MICAL3: variants seen among roughly 807,000 people sequenced by gnomAD.
MICAL3 encodes microtubule associated monooxygenase, calponin and LIM domain containing 3, also known as [F-actin]-monooxygenase MICAL3.
A neutral mutation model predicts 207.4 loss-of-function variants in MICAL3; 62 were observed. The ratio of observed to expected loss-of-function variants is 0.30; its 90% CI spans 0.24 to 0.37. MICAL3 has a LOEUF of 0.37. Among genes scored for constraint, MICAL3 ranks in the 10% least tolerant of loss-of-function variants. MICAL3 has a pLI of 1.00. For missense variants in MICAL3, 2,368 were observed against 2,635.6 expected (o/e 0.90, Z 2.22); for synonymous variants, 1,077 against 1,069.3 (o/e 1.01, Z -0.14).
chr22:17,876,727 TTA>T (rs1478152141), intron 16 of MICAL3: 1 of 150,572 alleles, frequency 6.6e-6, no homozygotes, highest in Non-Finnish European at 1.5e-5. Flanking sequence ...GTTATGGAGG[TTA>T]GGGAGCTTAT....
intron 19 of MICAL3, among the ~76,000 whole-genome samples, chr22:17,852,712 C>G (rs985141524): frequency 6.6e-6 from 1 of 152,228 alleles, no homozygotes; most frequent in Non-Finnish European, 1.5e-5. Context: ...TAAACCCTTG[C>G]TCTGCCTAAG....
At chr22:17,912,236 T>C (rs1392438315) in intron 1 of MICAL3, among the ~76,000 whole-genome samples, 46 of 152,208 alleles carry the variant, frequency 3.0e-4, no homozygotes, top group African/African-American at 2.4e-5. Context: ...TTGATTAGTA[T>C]AGCTTTATAG....
intron 1 of MICAL3, among the ~76,000 whole-genome samples, chr22:17,924,720 T>C (rs1340073007): frequency 1.3e-5 from 2 of 152,210 alleles, no homozygotes; most frequent in African/African-American, 4.8e-5. Flanking sequence ...TTAAAGGACC[T>C]TAATTAAGCA....
intron 3 of MICAL3, among the ~76,000 whole-genome samples, chr22:17,904,032 C>G (rs117873616): frequency 1.3e-5 from 2 of 152,200 alleles, no homozygotes; most frequent in African/African-American, 2.4e-5. Flanking sequence ...AGCAAAGGCC[C>G]GGGCTGAGCT....
Position 17,859,988 on chromosome 22 carries a change from G to A in MICAL3, c.2605+4911C>T, listed in dbSNP as rs190509611. On this transcript the variant is annotated intron_variant, in intron 19 of 31. Coordinates refer to ENST00000441493, the MANE Select transcript of MICAL3 (RefSeq NM_015241.3). ...CTCTGTTAACGGGAAGCTATGTCAG[G>A]TATAAAAACCTATTTCCCCCACTTT... Among the ~76,000 whole-genome samples, 395 of 152,286 alleles carry A rather than the reference G, an allele frequency of 2.6e-3. 1 individual carries two copies. The highest frequency in any genetic ancestry group is 0.014 in the Middle Eastern group (4 of 292).
chr22:17,920,969 C>G (rs1280120302), intron 1 of MICAL3, among the ~76,000 whole-genome samples: 1 of 152,170 alleles, frequency 6.6e-6, no homozygotes, highest in Non-Finnish European at 1.5e-5. Flanking sequence ...TGCAAACCCA[C>G]CTTCCATTCT....
chr22:17,908,317 C>CT (rs142214276), intron 1 of MICAL3, among the ~76,000 whole-genome samples: 2,494 of 151,476 alleles, frequency 0.016, 54 homozygotes, highest in African/African-American at 0.057. Flanking sequence ...TTCTTTTTTT[C>CT]TTTTTTTTGA....
Position 17,889,170 on chromosome 22 carries a change from A to G in MICAL3, c.1755T>C (p.Ile585=). ...GAGAAATGCCCAATTCCTTCTCAGC[A>G]ATGTCAAAGGCCAGTTGGTTATTCT... ...VEKNNQLAFD[I]AEKELGISPI... is the part of the protein sequence containing the mutation. The change falls in exon 13 of 32, where the codon ATT becomes ATC. Residue 585 remains isoleucine, a synonymous_variant. Coordinates refer to ENST00000441493, the MANE Select transcript of MICAL3 (RefSeq NM_015241.3). 6.2e-7 allele frequency: 1 copy of G among 1,613,940 alleles called. No individual in the cohort carries two copies. The highest frequency in any genetic ancestry group is 8.5e-7 in the Non-Finnish European group (1 of 1,179,804).
chr22:17,819,143 A>G lies in MICAL3; in HGVS notation c.3532-14T>C. On this transcript the variant is annotated splice_polypyrimidine_tract_variant and intron_variant, in intron 25 of 31. Transcript: ENST00000441493. Reference sequence around the variant, plus strand: ...GAGTTGGGGCCCCTACAGGGAAGGAAGACAGAAGCCGCTGAGAAGGTGTGG... The same window carrying G: ...GAGTTGGGGCCCCTACAGGGAAGGAGGACAGAAGCCGCTGAGAAGGTGTGG... The G allele has an allele frequency of 6.9e-7, 1 of 1,458,918 alleles. No homozygotes were observed. Among genetic ancestry groups the G allele is most frequent in the Non-Finnish European group, 9.1e-7 (1 of 1,101,916 alleles). 90.4% of individuals were successfully genotyped at this position (1,458,918 alleles called of 1,614,324 possible).
intron 16 of MICAL3, among the ~76,000 whole-genome samples, chr22:17,877,304 T>G (rs1440636275): frequency 1.7e-5 from 2 of 118,888 alleles, no homozygotes; most frequent in Non-Finnish European, 3.4e-5. Flanking sequence ...TTAGGGAGGT[T>G]ATGGAGGTTA....
intron 29 of MICAL3, among the ~76,000 whole-genome samples, chr22:17,803,388 C>T (rs191780728): frequency 3.3e-5 from 5 of 152,150 alleles, no homozygotes; most frequent in East Asian, 1.9e-4. Flanking sequence ...TGAAAATGGT[C>T]GGGCTGAGAT....
intron 2 of MICAL3, among the ~76,000 whole-genome samples, chr22:17,905,435 G>C (rs1569127493): frequency 1.3e-5 from 2 of 152,326 alleles, no homozygotes; most frequent in East Asian, 1.9e-4. Flanking sequence ...CTGAGCAGGA[G>C]ACTGGACACA....
chr22:17,848,440 G>C (rs538239363), intron 19 of MICAL3, among the ~76,000 whole-genome samples: 103 of 152,342 alleles, frequency 6.8e-4, no homozygotes, highest in Middle Eastern at 6.8e-3. Flanking sequence ...ACATTTTCCA[G>C]TTTAGGGCCA....
intron 16 of MICAL3, 83 bp downstream of exon 16, chr22:17,885,795 G>A: frequency 2.2e-5 from 31 of 1,406,224 alleles, no homozygotes; most frequent in Non-Finnish European, 2.9e-5. Context: ...CTGTGACACA[G>A]CCCATCTCAA....
intron 27 of MICAL3, chr22:17,814,443 T>G (rs1188421694): frequency 6.6e-6 from 1 of 152,234 alleles, no homozygotes; most frequent in African/African-American, 2.4e-5. Context: ...AAAAGTACAT[T>G]AACAGTGCCT....
Position 17,818,614 on chromosome 22 carries a change from G to A in MICAL3, c.4047C>T (p.Pro1349=), listed in dbSNP as rs375528202. ...AGGCAGGCGTGGGGAAGCTGGGCTC[G>A]GGCCCCTTGCTGCGGTCCACAGGTG... The part of the protein sequence containing the change: ...GLTPVDRSKG[P]EPSFPTPAFR... Residue 1349 remains proline, a synonymous_variant, in exon 26 of 32, where the codon CCC becomes CCT. Coordinates refer to ENST00000441493, the MANE Select transcript of MICAL3 (RefSeq NM_015241.3). 95 of 1,613,464 alleles carry A rather than the reference G, an allele frequency of 5.9e-5. No homozygotes were observed. The Middle Eastern group carries it at 8.2e-4, about 14-fold the overall frequency.
chr22:18,020,893 G>A (rs1025135568), intron 1 of MICAL3, among the ~76,000 whole-genome samples: 3 of 150,076 alleles, frequency 2.0e-5, no homozygotes, highest in Non-Finnish European at 2.9e-5. Flanking sequence ...CAGCCTGGGT[G>A]ACAGGGTGAG....
intron 1 of MICAL3, among the ~76,000 whole-genome samples, chr22:17,961,524 C>G (rs34486385): frequency 6.6e-6 from 1 of 151,798 alleles, no homozygotes; most frequent in African/African-American, 2.4e-5. Flanking sequence ...CTTCCCTAAG[C>G]GAAGGGGCAC....
chr22:17,822,980 C>T lies in MICAL3; in HGVS notation c.3274G>A (p.Asp1092Asn), dbSNP rs1167649522. Residue 1092 changes from aspartate to asparagine, a missense_variant, in exon 23 of 32, where the codon GAC (aspartate) becomes AAC (asparagine). Asp to Asn is a conservative substitution (Grantham distance 23). This residue lies in a region of MICAL3 where 1,770 missense variants were observed against 1,863.2 expected (regional missense o/e 0.95). Coordinates refer to ENST00000441493, the MANE Select transcript of MICAL3 (RefSeq NM_015241.3). ...AGCTCAGCACCAGTGTCCCCTGGGT[C>T]CCCATCCTCTGCTGCCTCCCCTTCT... ...EIEGEAAEDG[D>N]PGDTGAELDD... 1 of 1,613,580 alleles carries T rather than the reference C, an allele frequency of 6.2e-7. No individual in the cohort carries two copies. Among genetic ancestry groups the T allele is most frequent in the Middle Eastern group, 1.6e-4 (1 of 6,062 alleles).
Sources: gnomAD v4.1 joint callset for allele counts (sites outside exome capture counted in the v4.1 genomes callset) on GRCh38, gnomAD v4.1.1 for gene constraint, gnomAD v4.1.1 regional missense constraint, MANE v1.5 for transcripts, NCBI Gene and HGNC (gene_info 2026-07-23, HGNC 2026-07-21) for gene names.